Variants in MOB4 observed in about 807,000 individuals in gnomAD.
The protein encoded by MOB4 is MOB-like protein phocein.
A neutral mutation model predicts 32.2 loss-of-function variants in MOB4; 4 were observed. That is an observed-to-expected ratio of 0.12 (90% CI 0.06 to 0.28). The LOEUF (loss-of-function observed/expected upper bound fraction) is 0.28, where lower values mean the gene tolerates loss of function less well. Ranked by LOEUF, MOB4 falls within the 10% of genes least tolerant of loss-of-function variation. MOB4 has a pLI of 1.00. For missense variants in MOB4, 158 were observed against 271.2 expected (o/e 0.58, Z 2.93); for synonymous variants, 88 against 88.1 (o/e 1.00, Z 0.01).
At chr2:197,542,453 A>G (rs3792158) in intron 5 of MOB4, among the ~76,000 whole-genome samples, 63,792 of 152,136 alleles carry the variant, frequency 0.42, 13,965 homozygotes, top group South Asian at 0.56. Flanking sequence ...ATAGGAACTG[A>G]CAAACTAAGC....
intron 5 of MOB4, among the ~76,000 whole-genome samples, chr2:197,542,456 A>G (rs1199964699): frequency 6.6e-6 from 1 of 152,242 alleles, no homozygotes; most frequent in African/African-American, 2.4e-5. Flanking sequence ...GGAACTGACA[A>G]ACTAAGCTAA....
intron 5 of MOB4, among the ~76,000 whole-genome samples, chr2:197,543,548 C>G (rs1304160434): frequency 6.6e-6 from 1 of 151,792 alleles, no homozygotes; most frequent in African/African-American, 2.4e-5. Context: ...CTGATACATG[C>G]TACAACACAG....
rs1212554915 is a variant in MOB4, at chr2:197,516,360, G to C, written c.60+214G>C. On this transcript the variant is annotated intron_variant, in intron 1 of 7. Transcript: ENST00000323303. The stretch of plus-strand genomic sequence containing the variant: ...CTGCGGAGCTCCGACCCAGGGGTAG[G>C]CGTGAGGGGCGGGTGGGGTCTGCTG... The C allele has an allele frequency of 3.5e-6, 5 of 1,421,576 alleles. No individual in the cohort carries two copies. In the East Asian group the frequency reaches 1.3e-4, roughly 38 times the overall value. The allele number at this position is 1,421,576 out of a possible 1,614,324, so 88.1% of individuals were successfully genotyped here.
chr2:197,550,507 C>G lies in MOB4; in HGVS notation c.547-8C>G, dbSNP rs758793128. On this transcript the variant is annotated splice_polypyrimidine_tract_variant and splice_region_variant and intron_variant, in intron 7 of 7. Transcript: ENST00000323303. ...ATTAAAATAACATTTTTGTCTTCCT[C>G]TCTACAGAATGAAACATTTTTGTGT... 6.3e-7 allele frequency: 1 copy of G among 1,588,680 alleles called. No homozygotes were observed. The highest frequency in any genetic ancestry group is 1.4e-5 in the African/African-American group (1 of 73,634).
chr2:197,545,249 C>T (rs772688637), intron 5 of MOB4, among the ~76,000 whole-genome samples: 42 of 152,316 alleles, frequency 2.8e-4, no homozygotes, highest in Non-Finnish European at 5.1e-4. Flanking sequence ...ACCAAAACCA[C>T]AGATACCAAA....
At chr2:197,548,898 G>A (rs1044317635) in intron 6 of MOB4, among the ~76,000 whole-genome samples, 3 of 151,994 alleles carry the variant, frequency 2.0e-5, no homozygotes, top group African/African-American at 7.3e-5. Context: ...CTCTATGTTA[G>A]TTAGACTCGA....
rs1205234065 is a variant in MOB4 at position 197,553,065 on chromosome 2, G to A, written c.*2419G>A. Reference sequence around the variant, plus strand: ...CATTTCCTTTTCTCTGACTTGAGATGTCAAATTTGGATTTCTAGAACAGTT... The same window carrying A: ...CATTTCCTTTTCTCTGACTTGAGATATCAAATTTGGATTTCTAGAACAGTT... On this transcript the variant is annotated 3_prime_UTR_variant, in exon 8 of 8. Transcript: ENST00000323303. 6.6e-6 allele frequency: 1 copy of A among 152,132 alleles called. No homozygotes were observed. Among genetic ancestry groups the A allele is most frequent in the East Asian group, 1.9e-4 (1 of 5,198 alleles). The allele number at this position is 152,132 out of a possible 1,614,324, so 9.4% of individuals were successfully genotyped here.
At chr2:197,547,342 C>A (rs2087014795) in intron 5 of MOB4, among the ~76,000 whole-genome samples, 1 of 152,068 alleles carries the variant, frequency 6.6e-6, no homozygotes, top group South Asian at 2.1e-4. Context: ...TCATGGTATA[C>A]CCAAATGACA....
chr2:197,542,717 T>TA (rs1283357761), intron 5 of MOB4, among the ~76,000 whole-genome samples: 1 of 152,218 alleles, frequency 6.6e-6, no homozygotes, highest in Non-Finnish European at 1.5e-5. Context: ...AAAAATATAA[T>TA]ACATAAAAAT....
At chr2:197,543,050 G>A (rs1298586993) in intron 5 of MOB4, among the ~76,000 whole-genome samples, 2 of 152,266 alleles carry the variant, frequency 1.3e-5, no homozygotes, top group East Asian at 3.9e-4. Context: ...CCAGCACTTT[G>A]GGAGGCCGAG....
Position 197,552,161 on chromosome 2 carries a change from CTT to C in MOB4, c.*1519_*1520del, listed in dbSNP as rs1326174490. On this transcript the variant is annotated 3_prime_UTR_variant, in exon 8 of 8. Transcript: ENST00000323303. The stretch of plus-strand genomic sequence containing the variant: ...TGTATGCCTTTCCAAGCTTGCCAGT[CTT>C]TTTGGCTTTGAACACTGCCCATCAG... 6.6e-6 allele frequency: 1 copy of C among 152,374 alleles called. No homozygotes were observed. The highest frequency in any genetic ancestry group is 1.9e-4 in the East Asian group (1 of 5,330). 9.4% of individuals were successfully genotyped at this position (152,374 alleles called of 1,614,324 possible).
At chr2:197,529,898 C>T (rs530520916) in intron 2 of MOB4, among the ~76,000 whole-genome samples, 4 of 152,000 alleles carry the variant, frequency 2.6e-5, no homozygotes, top group South Asian at 2.1e-4. Context: ...GTGATCTGCC[C>T]GCCTCAGCCT....
In MOB4 at chr2:197,520,103, C is replaced by T. The variant is rs933787155; in HGVS notation, c.61-3521C>T. On this transcript the variant is annotated intron_variant, in intron 1 of 7. Transcript: ENST00000323303. ...AATCCTTATGGAAGACATTCTCTGT[C>T]TTCTACCCTATCATTCCTTTTCTTT... Among the ~76,000 whole-genome samples, 4 of 152,004 alleles carry T rather than the reference C, an allele frequency of 2.6e-5. No homozygotes were observed. The East Asian group carries it at 7.7e-4, about 29-fold the overall frequency.
intron 1 of MOB4, among the ~76,000 whole-genome samples, chr2:197,518,846 C>T (rs2106100870): frequency 6.6e-6 from 1 of 152,168 alleles, no homozygotes; most frequent in East Asian, 1.9e-4. Context: ...AGTTCCACGT[C>T]CCGGGTTCAC....
chr2:197,521,984 G>A (rs1221152738), intron 1 of MOB4, among the ~76,000 whole-genome samples: 1 of 152,174 alleles, frequency 6.6e-6, no homozygotes, highest in East Asian at 1.9e-4. Context: ...GGTATTGATT[G>A]GGGAAGTGAT....
intron 6 of MOB4, 80 bp from the exon 7 acceptor site, chr2:197,550,195 T>A: frequency 1.5e-6 from 2 of 1,340,244 alleles, no homozygotes; most frequent in South Asian, 1.6e-5. Context: ...GTTTCTACAC[T>A]TGTAAGCGAG....
rs192334869 is a variant in MOB4, at chr2:197,543,161, G to T, written c.354+2724G>T. On this transcript the variant is annotated intron_variant, in intron 5 of 7. Transcript: ENST00000323303. The stretch of plus-strand genomic sequence containing the variant: ...ACAAAAAATTAGCTGAGTGTGATGG[G>T]TGTGCACATGTAGTCCCAGCTACTA... 4.7e-3 allele frequency among the ~76,000 whole-genome samples: 717 copies of T among 152,134 alleles called. 3 individuals are homozygous for T. Among genetic ancestry groups the T allele is most frequent in the African/African-American group, 0.016 (684 of 41,496 alleles).
chr2:197,522,128 G>A (rs1574625654), intron 1 of MOB4, among the ~76,000 whole-genome samples: 2 of 152,194 alleles, frequency 1.3e-5, no homozygotes, highest in Admixed American at 1.3e-4. Context: ...TTCTGCCGTG[G>A]TTTCAGCCGG....
At chr2:197,515,980 G>A (rs2086401961), upstream of MOB4, 2 of 1,209,792 alleles carry the variant, frequency 1.7e-6, no homozygotes, top group Non-Finnish European at 1.2e-6. Flanking sequence ...TGTTCCGTCA[G>A]CTGCCGCTCC....
Sources: allele counts gnomAD v4.1 joint callset (sites outside exome capture counted in the v4.1 genomes callset), GRCh38; gene constraint gnomAD v4.1.1; transcripts MANE v1.5; gene names NCBI Gene and HGNC (gene_info 2026-07-23, HGNC 2026-07-21).